MESD: variants seen among roughly 807,000 people sequenced by gnomAD.
MESD encodes the protein mesoderm development LRP chaperone.
MESD carries 7 observed loss-of-function variants against 12.9 expected under a neutral mutation model. The observed-to-expected ratio is 0.54, with a 90% CI of 0.31 to 1.02. The LOEUF (loss-of-function observed/expected upper bound fraction) is 1.02. Among genes scored for constraint, MESD ranks in the 50% least tolerant of loss-of-function variants. MESD has a pLI of 0.05. For missense variants in MESD, 342 were observed against 296.7 expected (o/e 1.15, Z -1.12); for synonymous variants, 126 against 115.6 (o/e 1.09, Z -0.58).
chr15:80,966,667 C>T (rs141911228), intron 3 of MESD, among the ~76,000 whole-genome samples: 1,892 of 152,340 alleles, frequency 0.012, 23 homozygotes, highest in Non-Finnish European at 0.019. Flanking sequence ...TTAGTGGCCA[C>T]CTGCTCCAGG....
At chr15:80,964,716 A>G (rs369703763) in intron 3 of MESD, among the ~76,000 whole-genome samples, 2 of 152,328 alleles carry the variant, frequency 1.3e-5, no homozygotes. Flanking sequence ...AGGATTCCCT[A>G]TTTAATAAAT....
At chr15:80,971,116 AAGAAG>A (rs1405930728), downstream of MESD, among the ~76,000 whole-genome samples, 4 of 152,318 alleles carry the variant, frequency 2.6e-5, no homozygotes, top group African/African-American at 7.2e-5. Context: ...GAGGCTGGTC[AAGAAG>A]AGAATATTTG....
chr15:80,973,191 G>A (rs1902328815), downstream of MESD, among the ~76,000 whole-genome samples: 1 of 152,096 alleles, frequency 6.6e-6, no homozygotes, highest in South Asian at 2.1e-4. Context: ...TGGATAGCTG[G>A]GACGGTGTGA....
Position 80,982,041 on chromosome 15 carries a change from T to C in MESD, c.355A>G (p.Thr119Ala). The stretch of plus-strand genomic sequence containing the variant: ...TTCTCAGTAGGGCTTCCTGATACAG[T>C]GACAAACATCATGAGAGTCTTCCCT... ...KKGKTLMMFVTVSGSPTEKET... is the reference protein window; with the variant it reads ...KKGKTLMMFVAVSGSPTEKET... Residue 119 changes from threonine to alanine, a missense_variant, in exon 2 of 3, where the codon ACT becomes GCT. Coordinates refer to ENST00000261758, the MANE Select transcript of MESD (RefSeq NM_015154.3). 2 of 1,614,178 alleles carry C rather than the reference T, an allele frequency of 1.2e-6. No individual in the cohort carries two copies. Among genetic ancestry groups the C allele is most frequent in the Non-Finnish European group, 1.7e-6 (2 of 1,180,034 alleles).
At chr15:80,958,706 A>G (rs987737348) in intron 3 of MESD, among the ~76,000 whole-genome samples, 4 of 152,106 alleles carry the variant, frequency 2.6e-5, no homozygotes, top group Non-Finnish European at 5.9e-5. Context: ...CTCAGGGGTC[A>G]CCACCCTTTA....
At chr15:80,979,794 G>C (rs78083652) in intron 2 of MESD, among the ~76,000 whole-genome samples, 8,929 of 152,300 alleles carry the variant, frequency 0.059, 340 homozygotes, top group Middle Eastern at 0.18. Flanking sequence ...AGGGGCTGCT[G>C]CTGGGGAGGT....
chr15:80,957,861 A>G (rs1207241736), intron 3 of MESD, among the ~76,000 whole-genome samples: 2 of 151,860 alleles, frequency 1.3e-5, no homozygotes, highest in Middle Eastern at 3.2e-3. Flanking sequence ...CACTGGTTGG[A>G]TGAAGCGCCA....
rs532799425 is a variant in MESD, at chr15:80,956,939, C to G, written c.*289-4643G>C. On this transcript the variant is annotated intron_variant, in intron 3 of 4. Coordinates refer to the MESD transcript ENST00000561312. The stretch of plus-strand genomic sequence containing the variant: ...CTCAAGGGATCCTCCTACCTCACCC[C>G]CTGAGTAGCTGGGACTACAGGCTCA... Among the ~76,000 whole-genome samples the G allele has an allele frequency of 3.3e-5, 5 of 152,174 alleles. 1 individual carries two copies. Among genetic ancestry groups the G allele is most frequent in the African/African-American group, 9.6e-5 (4 of 41,524 alleles).
intron 1 of MESD, among the ~76,000 whole-genome samples, chr15:80,987,343 A>C (rs1902759150): frequency 6.6e-6 from 1 of 152,214 alleles, no homozygotes; most frequent in Non-Finnish European, 1.5e-5. Context: ...GCTACTGGGG[A>C]AGAGTCCTCA....
chr15:80,951,971 C>T (rs1452845698), exon 4 of MESD: 2 of 321,450 alleles, frequency 6.2e-6, no homozygotes, highest in Admixed American at 4.2e-5. Context: ...TGCCTTGCCC[C>T]AAGGCGGGGT....
At chr15:80,980,648 A>AC (rs1476204172) in intron 2 of MESD, among the ~76,000 whole-genome samples, 2 of 152,286 alleles carry the variant, frequency 1.3e-5, no homozygotes, top group African/African-American at 4.8e-5. Context: ...ATTAAAAAAA[A>AC]ACACACACTA....
intron 3 of MESD, among the ~76,000 whole-genome samples, chr15:80,966,819 C>A (rs994875386): frequency 2.0e-5 from 3 of 152,214 alleles, no homozygotes; most frequent in African/African-American, 7.2e-5. Context: ...GCTCCACAAC[C>A]TTTGCACCTC....
At chr15:80,971,967 A>C (rs1306638843), downstream of MESD, among the ~76,000 whole-genome samples, 1 of 152,070 alleles carries the variant, frequency 6.6e-6, no homozygotes, top group Non-Finnish European at 1.5e-5. Context: ...AAAAAAAAGA[A>C]ATCGACACCA....
chr15:80,952,287 G>A (rs947130259), exon 4 of MESD: 2 of 454,620 alleles, frequency 4.4e-6, no homozygotes, highest in African/African-American at 4.0e-5. Flanking sequence ...ACTGGAAGGG[G>A]CTCAGGGGTC....
chr15:80,969,870 A>C (rs1021993361), intron 3 of MESD, among the ~76,000 whole-genome samples: 10 of 152,118 alleles, frequency 6.6e-5, no homozygotes, highest in Admixed American at 2.0e-4. Context: ...ACAACAACAA[A>C]AAATCCTGGC....
At chr15:80,965,871 G>A (rs1051885323) in intron 3 of MESD, among the ~76,000 whole-genome samples, 7 of 152,100 alleles carry the variant, frequency 4.6e-5, no homozygotes, top group African/African-American at 1.7e-4. Context: ...GTTGATGGGT[G>A]CAGCAAACCA....
chr15:80,973,860 T>C (rs1902345008), downstream of MESD, among the ~76,000 whole-genome samples: 1 of 152,190 alleles, frequency 6.6e-6, no homozygotes, highest in Non-Finnish European at 1.5e-5. Context: ...ATTGTGTGCC[T>C]GGGGCAAGTG....
chr15:80,961,234 T>TA (rs1902081136), intron 3 of MESD, among the ~76,000 whole-genome samples: 1 of 150,502 alleles, frequency 6.6e-6, no homozygotes, highest in East Asian at 2.0e-4. Context: ...ACTCTGCTGA[T>TA]ATTTTATATG....
chr15:80,949,137 C>T (rs1901704205), intron 4 of MESD: 2 of 625,142 alleles, frequency 3.2e-6, no homozygotes, highest in Non-Finnish European at 5.7e-6. Flanking sequence ...TGGGGCGGTG[C>T]TGGCCAATGC....
Sources: allele counts gnomAD v4.1 joint callset (sites outside exome capture counted in the v4.1 genomes callset), GRCh38; gene constraint gnomAD v4.1.1; transcripts MANE v1.5; gene names NCBI Gene and HGNC (gene_info 2026-07-23, HGNC 2026-07-21).